The following ADGRB3 variants were observed in gnomAD, a reference collection of about 807,000 sequenced individuals.
ADGRB3 encodes the protein brain-specific angiogenesis inhibitor 3.
In ADGRB3, 37 loss-of-function variants were observed where a neutral mutation model predicts 193.4. That is an observed-to-expected ratio of 0.19 (90% CI 0.15 to 0.25). The LOEUF (loss-of-function observed/expected upper bound fraction) is 0.25, where lower values mean the gene tolerates loss of function less well. ADGRB3 is among the 10% of genes least tolerant of loss of function. The probability of loss-of-function intolerance (pLI) is 1.00; values close to 1 mark genes in which losing one functional copy is unlikely to be tolerated. For synonymous variants in ADGRB3, 690 were observed against 644.2 expected (o/e 1.07, Z -1.08); for missense variants, 1,637 against 1,852.9 (o/e 0.88, Z 2.14).
chr6:68,874,925 A>G (rs768372024), intron 3 of ADGRB3, among the ~76,000 whole-genome samples: 12 of 152,170 alleles, frequency 7.9e-5, no homozygotes, highest in Non-Finnish European at 1.8e-4. Flanking sequence ...AGTAGGGCAA[A>G]TGCTCTGGGT....
intron 28 of ADGRB3, among the ~76,000 whole-genome samples, chr6:69,358,181 A>G (rs1429498129): frequency 6.6e-6 from 1 of 151,946 alleles, no homozygotes; most frequent in Non-Finnish European, 1.5e-5. Context: ...AGTGGTTGTC[A>G]AAGAGTGGTC....
intron 3 of ADGRB3, among the ~76,000 whole-genome samples, chr6:68,827,781 CA>C (rs1216188540): frequency 6.6e-6 from 1 of 152,002 alleles, no homozygotes; most frequent in Admixed American, 6.6e-5. Flanking sequence ...TAGTGTAGCC[CA>C]AAAGGCCTGC....
At chr6:69,332,539 A>T in intron 23 of ADGRB3, 1 of 985,400 alleles carries the variant, frequency 1.0e-6, no homozygotes, top group Non-Finnish European at 1.2e-6. Flanking sequence ...TCATACTCTA[A>T]GATTCAGAAT....
At chr6:68,976,765 T>C (rs1229526034) in intron 10 of ADGRB3, among the ~76,000 whole-genome samples, 1 of 152,028 alleles carries the variant, frequency 6.6e-6, no homozygotes, top group Non-Finnish European at 1.5e-5. Context: ...GAGGAGGGGT[T>C]GGTCTTGCAG....
intron 3 of ADGRB3, among the ~76,000 whole-genome samples, chr6:68,683,905 A>C (rs528885274): frequency 6.6e-6 from 1 of 152,294 alleles, no homozygotes. Context: ...ATGTAAGTGC[A>C]TAGGACTACC....
intron 3 of ADGRB3, among the ~76,000 whole-genome samples, chr6:68,731,851 A>G (rs1411638407): frequency 1.3e-5 from 2 of 151,732 alleles, no homozygotes; most frequent in African/African-American, 4.8e-5. Flanking sequence ...ATTGTTTTGT[A>G]AAGTAATGGG....
At chr6:69,000,236 A>G (rs903071578) in intron 11 of ADGRB3, among the ~76,000 whole-genome samples, 5 of 152,240 alleles carry the variant, frequency 3.3e-5, no homozygotes, top group African/African-American at 1.2e-4. Context: ...ATTGTTTGTG[A>G]TAGGTATAGT....
intron 6 of ADGRB3, among the ~76,000 whole-genome samples, chr6:68,949,927 A>G (rs1024303803): frequency 3.9e-5 from 6 of 152,026 alleles, no homozygotes. Flanking sequence ...TACCATTATC[A>G]TTTGTTTATA....
At chr6:69,238,276 T>C (rs114583877) in intron 19 of ADGRB3, among the ~76,000 whole-genome samples, 302 of 152,182 alleles carry the variant, frequency 2.0e-3, no homozygotes, top group African/African-American at 6.8e-3. Flanking sequence ...AACAGTGTCT[T>C]TTTGTTACTG....
intron 20 of ADGRB3, among the ~76,000 whole-genome samples, chr6:69,283,246 G>A (rs1767475044): frequency 1.3e-5 from 2 of 152,176 alleles, no homozygotes; most frequent in South Asian, 4.1e-4. Context: ...GACACAATTA[G>A]AAAATGCTTT....
intron 3 of ADGRB3, among the ~76,000 whole-genome samples, chr6:68,671,983 T>A (rs1300366136): frequency 6.6e-6 from 1 of 152,056 alleles, no homozygotes; most frequent in Non-Finnish European, 1.5e-5. Flanking sequence ...TCTTTCTTGT[T>A]CAATCTTGGT....
intron 26 of ADGRB3, among the ~76,000 whole-genome samples, chr6:69,346,128 C>A (rs539254022): frequency 6.6e-6 from 1 of 152,296 alleles, no homozygotes; most frequent in East Asian, 1.9e-4. Flanking sequence ...ATTCCATGCT[C>A]ATGGATAGGA....
At chr6:69,013,716 A>T (rs1165948415) in intron 11 of ADGRB3, among the ~76,000 whole-genome samples, 1 of 152,078 alleles carries the variant, frequency 6.6e-6, no homozygotes, top group Non-Finnish European at 1.5e-5. Context: ...TACAGACGGG[A>T]TCAAACTTAC....
At chr6:69,204,337 A>G (rs1034731673) in intron 17 of ADGRB3, among the ~76,000 whole-genome samples, 3 of 152,180 alleles carry the variant, frequency 2.0e-5, no homozygotes, top group Non-Finnish European at 4.4e-5. Context: ...GTTGCCAAAC[A>G]TTAAAAAGCC....
intron 3 of ADGRB3, among the ~76,000 whole-genome samples, chr6:68,666,547 T>G (rs960522275): frequency 4.0e-5 from 6 of 151,818 alleles, no homozygotes; most frequent in South Asian, 2.1e-4. Flanking sequence ...TAGTCATAGG[T>G]CCCAGAGAAT....
At chr6:68,762,602 A>G (rs963308428) in intron 3 of ADGRB3, among the ~76,000 whole-genome samples, 2 of 152,120 alleles carry the variant, frequency 1.3e-5, no homozygotes, top group African/African-American at 4.8e-5. Context: ...AAAAGAAAGT[A>G]AATTAAAACA....
intron 20 of ADGRB3, among the ~76,000 whole-genome samples, chr6:69,323,080 C>T (rs1349852479): frequency 3.3e-5 from 5 of 151,984 alleles, no homozygotes; most frequent in Admixed American, 1.3e-4. Flanking sequence ...TCTCTGTACT[C>T]AGACATTGAA....
intron 17 of ADGRB3, among the ~76,000 whole-genome samples, chr6:69,170,508 C>T (rs1293204846): frequency 6.6e-6 from 1 of 152,090 alleles, no homozygotes; most frequent in African/African-American, 2.4e-5. Context: ...TTCTCTCATC[C>T]ACAGATGCTT....
intron 3 of ADGRB3, among the ~76,000 whole-genome samples, chr6:68,812,467 A>G (rs1046114236): frequency 3.3e-5 from 5 of 152,172 alleles, no homozygotes; most frequent in African/African-American, 9.7e-5. Flanking sequence ...TAAGTGTTTT[A>G]ATAATACTTT....
Sources: allele counts gnomAD v4.1 joint callset (sites outside exome capture counted in the v4.1 genomes callset), GRCh38; gene constraint gnomAD v4.1.1; transcripts MANE v1.5; gene names NCBI Gene and HGNC (gene_info 2026-07-23, HGNC 2026-07-21).